RPTOR: variants seen among roughly 807,000 people sequenced by gnomAD.
RPTOR encodes regulatory-associated protein of mTOR.
Under a neutral mutation model 169.9 loss-of-function variants are expected in RPTOR, and 21 were observed. The observed-to-expected ratio is 0.12, with a 90% CI of 0.09 to 0.18. The LOEUF (loss-of-function observed/expected upper bound fraction) is 0.18, where lower values mean the gene tolerates loss of function less well. Ranked by LOEUF, RPTOR falls within the 10% of genes least tolerant of loss-of-function variation. RPTOR has a pLI of 1.00. For missense variants in RPTOR, 1,133 were observed against 1,855.9 expected (o/e 0.61, Z 7.16); for synonymous variants, 732 against 753.2 (o/e 0.97, Z 0.46).
chr17:80,945,598 A>G (rs1038431668), intron 25 of RPTOR, 69 bp from the exon 26 acceptor site: 1 of 1,034,152 alleles, frequency 9.7e-7, no homozygotes, highest in Non-Finnish European at 1.4e-6. Context: ...TCTCAAAAAA[A>G]ATAAATAAAT....
intron 3 of RPTOR, among the ~76,000 whole-genome samples, chr17:80,656,825 G>T (rs1396100587): frequency 2.6e-5 from 4 of 152,236 alleles, no homozygotes; most frequent in African/African-American, 9.6e-5. Context: ...TCACCCTCTA[G>T]TTGACAGAGC....
intron 1 of RPTOR, chr17:80,602,811 A>G (rs1007378405): frequency 1.5e-6 from 1 of 676,692 alleles, no homozygotes; most frequent in Non-Finnish European, 2.7e-6. Flanking sequence ...GGCACGCTTC[A>G]TGAAGCCCAC....
Position 80,654,110 on chromosome 17 carries a change from C to T in RPTOR, c.348+10300C>T, listed in dbSNP as rs116318122. Reference sequence around the variant, plus strand: ...AGGCTCAGGTGGTGCCGTTTACTTCCAGCAAGAGGAGAGAGAGGGTGCACT... The same window carrying T: ...AGGCTCAGGTGGTGCCGTTTACTTCTAGCAAGAGGAGAGAGAGGGTGCACT... On this transcript the variant is annotated intron_variant, in intron 3 of 33. Coordinates refer to ENST00000306801, the MANE Select transcript of RPTOR (RefSeq NM_020761.3). 6.6e-3 allele frequency among the ~76,000 whole-genome samples: 1,012 copies of T among 152,350 alleles called. 14 individuals are homozygous for T. Among genetic ancestry groups the T allele is most frequent in the African/African-American group, 0.023 (960 of 41,574 alleles).
chr17:80,737,151 C>T (rs1044755980), intron 5 of RPTOR, among the ~76,000 whole-genome samples: 3 of 152,056 alleles, frequency 2.0e-5, no homozygotes, highest in African/African-American at 7.2e-5. Context: ...TTAGATTATT[C>T]TCTGTCATAC....
intron 13 of RPTOR, among the ~76,000 whole-genome samples, chr17:80,879,211 G>A (rs550214651): frequency 1.3e-4 from 19 of 151,972 alleles, no homozygotes; most frequent in South Asian, 4.2e-4. Flanking sequence ...TTGGATCCTC[G>A]CATCCCTGGC....
chr17:80,848,781 T>C (rs562481921), intron 11 of RPTOR, among the ~76,000 whole-genome samples: 4 of 152,382 alleles, frequency 2.6e-5, no homozygotes, highest in Admixed American at 2.6e-4. Flanking sequence ...TCCAGTTCTT[T>C]TGGGTCCAGC....
intron 3 of RPTOR, among the ~76,000 whole-genome samples, chr17:80,652,303 G>A (rs888723809): frequency 6.6e-6 from 1 of 152,132 alleles, no homozygotes; most frequent in Non-Finnish European, 1.5e-5. Context: ...AAAGCCCATC[G>A]GCAGTCATTT....
intron 5 of RPTOR, among the ~76,000 whole-genome samples, chr17:80,749,794 C>G (rs116476658): frequency 0.013 from 2,037 of 152,270 alleles, 49 homozygotes; most frequent in African/African-American, 0.047. Context: ...CTCACTGCCA[C>G]CTTGAACTCC....
intron 3 of RPTOR, among the ~76,000 whole-genome samples, chr17:80,653,658 C>G (rs1281075511): frequency 2.6e-5 from 4 of 152,232 alleles, no homozygotes; most frequent in Non-Finnish European, 5.9e-5. Context: ...GGTGCATGTC[C>G]ACACCAGTGC....
At chr17:80,835,946 C>T (rs770878002) in intron 9 of RPTOR, among the ~76,000 whole-genome samples, 1 of 152,104 alleles carries the variant, frequency 6.6e-6, no homozygotes, top group Non-Finnish European at 1.5e-5. Context: ...GATGTTGTGG[C>T]GGGGCCACAG....
chr17:80,614,151 G>T (rs768186795), intron 1 of RPTOR, among the ~76,000 whole-genome samples: 2 of 152,154 alleles, frequency 1.3e-5, no homozygotes, highest in South Asian at 2.1e-4. Flanking sequence ...CCCACCCAGA[G>T]CCAGGGGAGC....
intron 17 of RPTOR, among the ~76,000 whole-genome samples, chr17:80,888,380 G>T (rs912056350): frequency 6.6e-6 from 1 of 152,204 alleles, no homozygotes; most frequent in African/African-American, 2.4e-5. Context: ...CCAGGCCTTG[G>T]TCTCCCAAGA....
intron 13 of RPTOR, among the ~76,000 whole-genome samples, chr17:80,875,536 A>C (rs543159853): frequency 6.6e-6 from 1 of 152,300 alleles, no homozygotes; most frequent in East Asian, 1.9e-4. Context: ...TCTGGCCTTC[A>C]CATGTCACCA....
At chr17:80,901,611 G>A (rs1467055482) in intron 20 of RPTOR, among the ~76,000 whole-genome samples, 1 of 152,192 alleles carries the variant, frequency 6.6e-6, no homozygotes, top group Non-Finnish European at 1.5e-5. Flanking sequence ...ATCCCATTGT[G>A]CACAGCACTT....
At chr17:80,666,818 TGAAAG>T (rs2065783621) in intron 3 of RPTOR, among the ~76,000 whole-genome samples, 2 of 149,704 alleles carry the variant, frequency 1.3e-5, no homozygotes, top group Admixed American at 1.3e-4. Flanking sequence ...GGCAGCGCCT[TGAAAG>T]GAAGAATGCT....
chr17:80,775,549 CTGA>C (rs1343292149), intron 6 of RPTOR, among the ~76,000 whole-genome samples: 2 of 152,224 alleles, frequency 1.3e-5, no homozygotes, highest in Non-Finnish European at 2.9e-5. Context: ...TGGTTTCCCA[CTGA>C]TGATCAAATT....
rs1327568858 is a variant in RPTOR, at chr17:80,841,952, C to T, written c.1212+3955C>T. Reference sequence around the variant, plus strand: ...CACTCACCGCACGGCAGCTCACACTCACCGCACGGCAGCTCACTCTCACCG... The same window carrying T: ...CACTCACCGCACGGCAGCTCACACTTACCGCACGGCAGCTCACTCTCACCG... On this transcript the variant is annotated intron_variant, in intron 10 of 33. Coordinates refer to ENST00000306801, the MANE Select transcript of RPTOR (RefSeq NM_020761.3). 2.2e-4 allele frequency among the ~76,000 whole-genome samples: 33 copies of T among 150,272 alleles called. 1 individual carries two copies. The highest frequency in any genetic ancestry group is 8.1e-4 in the African/African-American group (33 of 40,586).
chr17:80,673,974 G>A (rs1239593779), intron 3 of RPTOR, among the ~76,000 whole-genome samples: 1 of 152,230 alleles, frequency 6.6e-6, no homozygotes, highest in Non-Finnish European at 1.5e-5. Flanking sequence ...GTCTGCCACT[G>A]AGAGTGTCAT....
intron 2 of RPTOR, among the ~76,000 whole-genome samples, chr17:80,639,017 A>G (rs1435922117): frequency 2.0e-5 from 3 of 152,132 alleles, no homozygotes; most frequent in African/African-American, 4.8e-5. Flanking sequence ...TGTGGCTCCA[A>G]GCTTTGCGCC....
Sources: allele counts gnomAD v4.1 joint callset (sites outside exome capture counted in the v4.1 genomes callset), GRCh38; gene constraint gnomAD v4.1.1; transcripts MANE v1.5; gene names NCBI Gene and HGNC (gene_info 2026-07-23, HGNC 2026-07-21).